MCUB: variants seen among roughly 807,000 people sequenced by gnomAD.
MCUB encodes the protein mitochondrial calcium uniporter dominant negative subunit beta, also known as calcium uniporter regulatory subunit MCUb, mitochondrial.
In MCUB, 46 loss-of-function variants were observed where a neutral mutation model predicts 41.4. The ratio of observed to expected loss-of-function variants is 1.11; its 90% confidence interval spans 0.88 to 1.42. The LOEUF (loss-of-function observed/expected upper bound fraction) is 1.42. MCUB is among the 40% of genes most tolerant of loss of function. MCUB has a pLI of 0.00. For synonymous variants in MCUB, 148 were observed against 148.2 expected (o/e 1.00, Z 0.01); for missense variants, 403 against 404.9 (o/e 1.00, Z 0.04).
chr4:109,687,406 C>T, intron 7 of MCUB, 109 bp from the exon 8 acceptor site: 1 of 707,538 alleles, frequency 1.4e-6, no homozygotes. Flanking sequence ...ATAGTTTAAA[C>T]ATTTTATTGC....
intron 1 of MCUB, among the ~76,000 whole-genome samples, chr4:109,596,735 T>A (rs1727564523): frequency 6.6e-6 from 1 of 151,790 alleles, no homozygotes; most frequent in Non-Finnish European, 1.5e-5. Flanking sequence ...CTTTTTTTTT[T>A]TTTTAATTTA....
Position 109,687,567 on chromosome 4 carries a change from T to TAGA in MCUB, c.991_993dup (p.Glu331dup). ...CATTCTCTCTGTTTGCAAATGCAAGTAGAAGAACTCAATGAAAAGAATTAA... is the reference window on the plus strand; with the variant it reads ...CATTCTCTCTGTTTGCAAATGCAAGTAGAAGAAGAACTCAATGAAAAGAATTAA... On this transcript the variant is annotated inframe_insertion, in exon 8 of 8. Transcript: ENST00000394650. The TAGA allele has an allele frequency of 6.2e-7, 1 of 1,610,608 alleles. No individual in the cohort carries two copies.
At chr4:109,584,590 A>G (rs914983520) in intron 1 of MCUB, among the ~76,000 whole-genome samples, 5 of 152,190 alleles carry the variant, frequency 3.3e-5, no homozygotes, top group Admixed American at 6.5e-5. Context: ...GTGGGCATTT[A>G]GTGCTGTAAA....
chr4:109,629,373 A>G (rs1728426358), intron 1 of MCUB, among the ~76,000 whole-genome samples: 3 of 152,186 alleles, frequency 2.0e-5, no homozygotes, highest in Non-Finnish European at 1.5e-5. Context: ...CTTAACAACA[A>G]TCAACACAGA....
chr4:109,589,060 T>C (rs1171570069), intron 1 of MCUB, among the ~76,000 whole-genome samples: 1 of 152,156 alleles, frequency 6.6e-6, no homozygotes, highest in Non-Finnish European at 1.5e-5. Context: ...ATTGAATATA[T>C]TGTGCTTTTT....
chr4:109,649,833 CAAA>C (rs1361307818), intron 1 of MCUB, among the ~76,000 whole-genome samples: 4 of 152,064 alleles, frequency 2.6e-5, no homozygotes, highest in Non-Finnish European at 5.9e-5. Flanking sequence ...CTCAGCCTCC[CAAA>C]GTGTTCGGAT....
chr4:109,665,842 C>T (rs906034598), intron 4 of MCUB, among the ~76,000 whole-genome samples: 1 of 151,464 alleles, frequency 6.6e-6, no homozygotes, highest in African/African-American at 2.4e-5. Context: ...GTAGTAGGGC[C>T]AGGGACATGA....
chr4:109,673,520 A>C (rs1260570040), intron 4 of MCUB, among the ~76,000 whole-genome samples: 2 of 152,250 alleles, frequency 1.3e-5, no homozygotes, highest in African/African-American at 4.8e-5. Flanking sequence ...CAGACTTGCC[A>C]AGTCTCACAG....
chr4:109,627,645 G>A (rs1374194572), intron 1 of MCUB, among the ~76,000 whole-genome samples: 1 of 152,214 alleles, frequency 6.6e-6, no homozygotes, highest in African/African-American at 2.4e-5. Context: ...GGGCACGGTG[G>A]TTCACACCTG....
intron 7 of MCUB, 150 bp from the exon 8 acceptor site, chr4:109,687,365 A>T (rs1428110624): frequency 5.5e-6 from 3 of 549,100 alleles, no homozygotes; most frequent in Admixed American, 3.6e-5. Flanking sequence ...TCTCAAGAAA[A>T]ATATATATAT....
At chr4:109,598,039 C>A (rs533669418) in intron 1 of MCUB, among the ~76,000 whole-genome samples, 1 of 151,392 alleles carries the variant, frequency 6.6e-6, no homozygotes, top group South Asian at 2.1e-4. Flanking sequence ...GATGGGATGG[C>A]GGCCGGGAAG....
chr4:109,641,938 A>G (rs1728724183), intron 1 of MCUB, among the ~76,000 whole-genome samples: 1 of 152,230 alleles, frequency 6.6e-6, no homozygotes, highest in Non-Finnish European at 1.5e-5. Context: ...CTTCTGCATT[A>G]TATAAAAGTG....
chr4:109,569,970 G>A (rs183738342), intron 1 of MCUB, among the ~76,000 whole-genome samples: 1 of 152,302 alleles, frequency 6.6e-6, no homozygotes, highest in African/African-American at 2.4e-5. Flanking sequence ...GGTTAAACCT[G>A]AAATAGAAGA....
rs145926137 is a variant in MCUB, at chr4:109,611,461, C to G, written c.100-47550C>G. On this transcript the variant is annotated intron_variant, in intron 1 of 7. Coordinates refer to ENST00000394650, the MANE Select transcript of MCUB (RefSeq NM_017918.5). ...CTCTAGCTTTATGGTGTATGTATTTCCATGTCTTGGGAGGCTAGGGCTTTT... is the reference window on the plus strand; with the variant it reads ...CTCTAGCTTTATGGTGTATGTATTTGCATGTCTTGGGAGGCTAGGGCTTTT... Among the ~76,000 whole-genome samples the G allele has an allele frequency of 3.1e-3, 467 of 152,306 alleles. 5 individuals are homozygous for G. The highest frequency in any genetic ancestry group is 0.011 in the African/African-American group (453 of 41,580).
At chr4:109,664,540 T>C in intron 4 of MCUB, 146 bp downstream of exon 4, 1 of 556,086 alleles carries the variant, frequency 1.8e-6, no homozygotes, top group Non-Finnish European at 3.2e-6. Flanking sequence ...TCCTCCCACC[T>C]CAGCCTCCAG....
intron 4 of MCUB, among the ~76,000 whole-genome samples, chr4:109,665,304 G>T (rs149564873): frequency 3.9e-5 from 6 of 152,046 alleles, no homozygotes; most frequent in African/African-American, 1.2e-4. Context: ...AAGTGTCTTG[G>T]GTCTTTATTT....
intron 1 of MCUB, among the ~76,000 whole-genome samples, chr4:109,652,414 C>T (rs1438872237): frequency 1.3e-5 from 2 of 152,144 alleles, no homozygotes; most frequent in African/African-American, 4.8e-5. Context: ...TTCAGCCTTG[C>T]TGTAATCTCT....
At chr4:109,684,830 T>C (rs1729800402) in intron 6 of MCUB, 184 bp downstream of exon 6, 2 of 514,588 alleles carry the variant, frequency 3.9e-6, no homozygotes, top group Non-Finnish European at 6.8e-6. Context: ...AAATTATATA[T>C]AACTTCTTTG....
chr4:109,593,177 G>T (rs965189297), intron 1 of MCUB, among the ~76,000 whole-genome samples: 1 of 152,148 alleles, frequency 6.6e-6, no homozygotes, highest in Non-Finnish European at 1.5e-5. Flanking sequence ...GGGGCAGTTA[G>T]GATGATACCC....
Sources: gnomAD v4.1 joint callset for allele counts (sites outside exome capture counted in the v4.1 genomes callset) on GRCh38, gnomAD v4.1.1 for gene constraint, MANE v1.5 for transcripts, NCBI Gene and HGNC (gene_info 2026-07-23, HGNC 2026-07-21) for gene names.